Variants in ITGA4 observed in about 807,000 individuals in gnomAD.
The protein encoded by ITGA4 is integrin subunit alpha 4.
ITGA4 carries 63 observed loss-of-function variants against 133.6 expected under a neutral mutation model. The observed-to-expected ratio is 0.47, with a 90% CI of 0.38 to 0.58. The LOEUF is 0.58. ITGA4 is among the 20% of genes least tolerant of loss of function. ITGA4 has a pLI of 0.00. For synonymous variants in ITGA4, 483 were observed against 438.0 expected (o/e 1.10, Z -1.28); for missense variants, 1,076 against 1,252.7 (o/e 0.86, Z 2.13).
At chr2:181,478,715 C>T in intron 4 of ITGA4, 42 bp from the exon 5 acceptor site, 1 of 856,314 alleles carries the variant, frequency 1.2e-6, no homozygotes, top group Non-Finnish European at 1.8e-6. Context: ...GAGATTTTAT[C>T]TTTAAGATAA....
rs575452356 is a variant in ITGA4 at position 181,516,633 on chromosome 2, G to A, written c.1922+4858G>A. ...GTTATGGTTGAAGGAGAATGGAGTC[G>A]TCATGATCACAGTAAATTGATCCTG... On this transcript the variant is annotated intron_variant, in intron 17 of 27. Transcript: ENST00000397033. The surrounding 1 kb of genome is among the most constrained non-coding windows in gnomAD (Gnocchi z 4.0). Among the ~76,000 whole-genome samples the A allele has an allele frequency of 2.6e-5, 4 of 152,006 alleles. No individual in the cohort carries two copies. Among genetic ancestry groups the A allele is most frequent in the African/African-American group, 7.2e-5 (3 of 41,408 alleles).
upstream of ITGA4, chr2:181,457,357 G>C (rs1274398471): frequency 1.5e-5 from 5 of 341,504 alleles, no homozygotes; most frequent in South Asian, 1.3e-4. Context: ...CACCACGCCC[G>C]GGACCCCACC....
In ITGA4 at chr2:181,529,638, T is replaced by C; in HGVS notation, c.2528T>C (p.Leu843Ser). The change falls in exon 23 of 28, where the codon TTG (leucine) becomes TCG (serine). Residue 843 changes from leucine to serine, a missense_variant. Transcript: ENST00000397033. Reference protein sequence around the residue: ...SPQTDKLFNILDVQTTTGECH... With the variant: ...SPQTDKLFNISDVQTTTGECH... ...CAAACTGATAAGCTGTTCAACATTT[T>C]GGATGTCCAGGTAAAAATGTATTTC... 1 of 1,555,626 alleles carries C rather than the reference T, an allele frequency of 6.4e-7. No homozygotes were observed. Among genetic ancestry groups the C allele is most frequent in the Non-Finnish European group, 8.9e-7 (1 of 1,128,356 alleles).
chr2:181,502,987 G>A (rs1193832724), intron 15 of ITGA4, among the ~76,000 whole-genome samples: 1 of 151,936 alleles, frequency 6.6e-6, no homozygotes, highest in Non-Finnish European at 1.5e-5. Flanking sequence ...GAGGGGAGGG[G>A]GCACACCAAG....
chr2:181,511,726 G>T lies in ITGA4; in HGVS notation c.1873G>T (p.Glu625Ter), dbSNP rs1274214853. The change falls in exon 17 of 28, where the codon GAA (glutamate) becomes TAA (stop). Residue 625 changes from glutamate to a stop codon, truncating the protein, a stop_gained. Transcript: ENST00000397033. LOFTEE classifies it high-confidence loss of function. ...AAACTTTGCAAGGTTTTGTGCCCATGAAAATTGTTCTGCTGATTTACAGGT... is the reference window on the plus strand; with the variant it reads ...AAACTTTGCAAGGTTTTGTGCCCATTAAAATTGTTCTGCTGATTTACAGGT... The part of the protein sequence containing the change: ...TINFARFCAH[E>*]NCSADLQVSA... The T allele has an allele frequency of 6.2e-7, 1 of 1,601,004 alleles. No individual in the cohort carries two copies. The highest frequency in any genetic ancestry group is 1.3e-5 in the African/African-American group (1 of 74,522).
chr2:181,493,562 A>T (rs528042776), intron 11 of ITGA4, 143 bp downstream of exon 11: 80 of 521,534 alleles, frequency 1.5e-4, no homozygotes, highest in Non-Finnish European at 2.3e-4. Flanking sequence ...ATAGTGGCAA[A>T]TGATCTTATT....
chr2:181,526,957 G>A (rs1420956075), intron 21 of ITGA4, among the ~76,000 whole-genome samples: 1 of 149,174 alleles, frequency 6.7e-6, no homozygotes, highest in Non-Finnish European at 1.5e-5. Context: ...TCAGCCTCCC[G>A]AGTAGCTGGT....
intron 22 of ITGA4, chr2:181,527,592 A>G: frequency 2.0e-6 from 1 of 490,830 alleles, no homozygotes; most frequent in East Asian, 3.6e-5. Flanking sequence ...ATTCAAGCCC[A>G]TATTTCCTTA....
intron 10 of ITGA4, among the ~76,000 whole-genome samples, chr2:181,488,189 T>C (rs1038047507): frequency 1.3e-5 from 2 of 152,222 alleles, no homozygotes; most frequent in Non-Finnish European, 2.9e-5. Flanking sequence ...AATTACTCTA[T>C]ACCTGGGAAA....
chr2:181,484,559 A>C (rs1685873412), intron 9 of ITGA4, among the ~76,000 whole-genome samples: 1 of 152,208 alleles, frequency 6.6e-6, no homozygotes, highest in East Asian at 1.9e-4. Flanking sequence ...TCACTGCTTC[A>C]GTGTCAGTGA....
Position 181,480,203 on chromosome 2 carries a change from A to T in ITGA4, c.691A>T (p.Thr231Ser), listed in dbSNP as rs1553504817. Reference protein sequence around the residue: ...WTGSLFVYNITTNKYKAFLDK... With the variant: ...WTGSLFVYNISTNKYKAFLDK... Reference sequence around the variant, plus strand: ...TGGCTCTCTTTTTGTCTACAATATAACTACAAATAAATACAAGGCTTTTTT... The same window carrying T: ...TGGCTCTCTTTTTGTCTACAATATATCTACAAATAAATACAAGGCTTTTTT... Residue 231 changes from threonine to serine, a missense_variant, in exon 6 of 28, where the codon ACT becomes TCT. Thr to Ser is a moderately conservative substitution (Grantham distance 58, BLOSUM62 1). Transcript: ENST00000397033. 5 of 1,544,416 alleles carry T rather than the reference A, an allele frequency of 3.2e-6. No homozygotes were observed. The highest frequency in any genetic ancestry group is 4.4e-6 in the Non-Finnish European group (5 of 1,142,162).
At chr2:181,502,184 T>G (rs7607758) in intron 15 of ITGA4, among the ~76,000 whole-genome samples, 77,360 of 150,522 alleles carry the variant, frequency 0.51, 20,162 homozygotes, top group African/African-American at 0.55. Context: ...GGATTTATAA[T>G]GCAGAGGCTG....
intron 7 of ITGA4, among the ~76,000 whole-genome samples, chr2:181,482,126 T>G (rs1372876990): frequency 6.6e-6 from 1 of 152,188 alleles, no homozygotes; most frequent in Non-Finnish European, 1.5e-5. Flanking sequence ...ACACTTCCGG[T>G]GCCCCCTCTA....
At chr2:181,525,447 G>A (rs1456170676) in intron 21 of ITGA4, among the ~76,000 whole-genome samples, 156 bp downstream of exon 21, 1 of 151,932 alleles carries the variant, frequency 6.6e-6, no homozygotes, top group Admixed American at 6.6e-5. Flanking sequence ...CCCTTACTTA[G>A]CTGTCCATTA....
chr2:181,537,163 T>A lies in ITGA4; in HGVS notation c.*1636T>A, dbSNP rs1574421214. 2.2e-6 allele frequency: 1 copy of A among 453,970 alleles called. No individual in the cohort carries two copies. The highest frequency in any genetic ancestry group is 1.6e-5 in the South Asian group (1 of 64,466). The allele number at this position is 453,970 out of a possible 1,614,324, so 28.1% of individuals were successfully genotyped here. On this transcript the variant is annotated 3_prime_UTR_variant, in exon 28 of 28. Coordinates refer to ENST00000397033, the MANE Select transcript of ITGA4 (RefSeq NM_000885.6). ...TCGTTATAAAAAGGCTAGTCATTCT[T>A]TCAGGAGAACATCTAGGATCATAGA... is the stretch of plus-strand genomic sequence containing the variant.
chr2:181,516,333 G>T lies in ITGA4; in HGVS notation c.1922+4558G>T, dbSNP rs1686606996. Reference sequence around the variant, plus strand: ...AACTAATAGTGACTTAAACAATAAAGATATTATTTCGCATAATAAGCAGTC... The same window carrying T: ...AACTAATAGTGACTTAAACAATAAATATATTATTTCGCATAATAAGCAGTC... On this transcript the variant is annotated intron_variant, in intron 17 of 27. Transcript: ENST00000397033. This position sits in a 1 kb window ranked among gnomAD's most constrained non-coding sequence, Gnocchi z 4.0. 6.6e-6 allele frequency among the ~76,000 whole-genome samples: 1 copy of T among 152,048 alleles called. No individual in the cohort carries two copies. The highest frequency in any genetic ancestry group is 6.6e-5 in the Admixed American group (1 of 15,236).
In ITGA4 at chr2:181,516,903, G is replaced by C. The variant is rs1551030; in HGVS notation, c.1922+5128G>C. ...AAAATGGAAATAGTACGAATATTTG[G>C]CTCACTGACAGCATAAAGTTTTGGG... On this transcript the variant is annotated intron_variant, in intron 17 of 27. Coordinates refer to ENST00000397033, the MANE Select transcript of ITGA4 (RefSeq NM_000885.6). The surrounding 1 kb of genome is among the most constrained non-coding windows in gnomAD (Gnocchi z 4.0). Among the ~76,000 whole-genome samples the C allele has an allele frequency of 0.98, 148,780 of 152,156 alleles. 72,841 individuals carry two copies. The highest frequency in any genetic ancestry group is 1 in the Middle Eastern group (294 of 294).
At chr2:181,470,585 G>C (rs1418640221) in intron 2 of ITGA4, among the ~76,000 whole-genome samples, 1 of 152,192 alleles carries the variant, frequency 6.6e-6, no homozygotes, top group Non-Finnish European at 1.5e-5. Flanking sequence ...AGTCAAGGCT[G>C]AGTACTGAGT....
intron 2 of ITGA4, among the ~76,000 whole-genome samples, chr2:181,459,784 A>G (rs1465091832): frequency 1.3e-5 from 2 of 152,222 alleles, no homozygotes; most frequent in African/African-American, 4.8e-5. Context: ...GCAAGGTCTC[A>G]GGAGGGAGCA....
Sources: allele counts gnomAD v4.1 joint callset (sites outside exome capture counted in the v4.1 genomes callset), GRCh38; gene constraint gnomAD v4.1.1; non-coding constraint Gnocchi (gnomAD v3.1); transcripts MANE v1.5; gene names NCBI Gene and HGNC (gene_info 2026-07-23, HGNC 2026-07-21).